Variants in ZGRF1 observed in about 807,000 individuals in gnomAD.
ZGRF1 encodes 5'-3' DNA helicase ZGRF1.
Under a neutral mutation model 203.5 loss-of-function variants are expected in ZGRF1, and 196 were observed. The ratio of observed to expected loss-of-function variants is 0.96; its 90% CI spans 0.86 to 1.08. The LOEUF (loss-of-function observed/expected upper bound fraction) is 1.08, where lower values mean the gene tolerates loss of function less well. Among genes scored for constraint, ZGRF1 ranks in the 50% least tolerant of loss-of-function variants. The pLI, the probability that ZGRF1 is intolerant of heterozygous loss-of-function variation, is 0.00. For missense variants in ZGRF1, 2,326 were observed against 2,416.3 expected (o/e 0.96, Z 0.78); for synonymous variants, 809 against 841.3 (o/e 0.96, Z 0.66).
chr4:112,548,766 T>A (rs1739331237), intron 22 of ZGRF1, among the ~76,000 whole-genome samples: 1 of 151,832 alleles, frequency 6.6e-6, no homozygotes. Flanking sequence ...ATATTAAATA[T>A]GCTAACGAAA....
chr4:112,566,686 CAG>C (rs1308082281), intron 16 of ZGRF1, among the ~76,000 whole-genome samples: 1 of 151,776 alleles, frequency 6.6e-6, no homozygotes, highest in African/African-American at 2.4e-5. Context: ...CTGTGGGGAA[CAG>C]AGAGAGAAGT....
At chr4:112,581,203 T>C (rs923139228) in intron 16 of ZGRF1, among the ~76,000 whole-genome samples, 4 of 143,638 alleles carry the variant, frequency 2.8e-5, no homozygotes, top group African/African-American at 1.0e-4. Context: ...CCGCATGTTC[T>C]CACTCATAGG....
At position 112,553,972 on chromosome 4, in the gene ZGRF1, C is replaced by T; in HGVS notation, c.5209G>A (p.Gly1737Ser). Reference protein sequence around the residue: ...KPILPYSLHAGSENESEQLKE... With the variant: ...KPILPYSLHASSENESEQLKE... ...AACTGTTCACTTTCATTTTCTGAGC[C>T]AGCATGCAAGCTAAAGAATTATATT... The change falls in exon 22 of 28, where the codon GGC becomes AGC. Residue 1737 changes from glycine (G) to serine (S), a missense_variant. By Grantham distance (56) the Gly-to-Ser change is moderately conservative (BLOSUM62 0). Transcript: ENST00000505019. 6.2e-7 allele frequency: 1 copy of T among 1,607,318 alleles called. No individual in the cohort carries two copies. Among genetic ancestry groups the T allele is most frequent in the Non-Finnish European group, 8.5e-7 (1 of 1,178,208 alleles).
rs1739215201 is a variant in ZGRF1 at position 112,548,286 on chromosome 4, A to G, written c.5441T>C (p.Ile1814Thr). 6.4e-7 allele frequency: 1 copy of G among 1,552,392 alleles called. No homozygotes were observed. Among genetic ancestry groups the G allele is most frequent in the Non-Finnish European group, 8.7e-7 (1 of 1,147,134 alleles). ...PVVVLDECSQ[I>T]TEPASLLPIA... ...GGGAAGGAGAGAGGCCGGTTCAGTTATCTGACTACACTCATCCAGCACAAC... is the reference window on the plus strand; with the variant it reads ...GGGAAGGAGAGAGGCCGGTTCAGTTGTCTGACTACACTCATCCAGCACAAC... Residue 1814 changes from isoleucine (I) to threonine (T), a missense_variant, in exon 23 of 28, where the codon ATA becomes ACA. Transcript: ENST00000505019.
Position 112,618,708 on chromosome 4 carries a change from T to C in ZGRF1, c.1334A>G (p.Asp445Gly). 1 of 1,611,354 alleles carries C rather than the reference T, an allele frequency of 6.2e-7. No homozygotes were observed. The highest frequency in any genetic ancestry group is 8.5e-7 in the Non-Finnish European group (1 of 1,179,274). The change falls in exon 6 of 28, where the codon GAC (aspartate) becomes GGC (glycine). Residue 445 changes from aspartate (D) to glycine (G), a missense_variant. By Grantham distance (94) the Asp-to-Gly change is moderately conservative (BLOSUM62 -1). Transcript: ENST00000505019. Reference sequence around the variant, plus strand: ...AACTGATCCTTTAATGCACCCCTTGTCATTTTGATTAAAAGGTATTTTATT... The same window carrying C: ...AACTGATCCTTTAATGCACCCCTTGCCATTTTGATTAAAAGGTATTTTATT... ...EDNKIPFNQN[D>G]KGCIKGSVLI...
intron 20 of ZGRF1, 79 bp downstream of exon 20, chr4:112,558,069 GAC>G (rs1159866156): frequency 1.8e-6 from 2 of 1,123,532 alleles, no homozygotes; most frequent in East Asian, 5.3e-5. Context: ...AGAGTACATG[GAC>G]ACTCAGGGCC....
rs1560794258 is a variant in ZGRF1 at position 112,578,732 on chromosome 4, A to ATC, written c.4438+2929_4438+2930dup. Among the ~76,000 whole-genome samples, 2 of 123,306 alleles carry ATC rather than the reference A, an allele frequency of 1.6e-5. 1 individual carries two copies. The highest frequency in any genetic ancestry group is 3.6e-5 in the Non-Finnish European group (2 of 55,128). The allele number at this position is 123,306 out of a possible 152,430, so 80.9% of individuals were successfully genotyped here. A position where few individuals can be genotyped will look rare whatever the true frequency, so the allele number is the denominator to read the frequency against. On this transcript the variant is annotated intron_variant, in intron 16 of 27. Coordinates refer to ENST00000505019, the MANE Select transcript of ZGRF1 (RefSeq NM_018392.5). The stretch of plus-strand genomic sequence containing the variant: ...CAAGACTAAACCAGGAAGAAGTTGA[A>ATC]TCTCTGAATAGACCAATAACAGGCT...
At chr4:112,584,365 T>C (rs993245606) in intron 14 of ZGRF1, among the ~76,000 whole-genome samples, 191 bp from the exon 15 acceptor site, 16 of 152,334 alleles carry the variant, frequency 1.1e-4, no homozygotes, top group African/African-American at 3.4e-4. Context: ...TACTTTCTCT[T>C]TATCAAAAGA....
intron 19 of ZGRF1, among the ~76,000 whole-genome samples, chr4:112,558,605 T>C (rs113686200): frequency 0.033 from 5,091 of 152,266 alleles, 282 homozygotes; most frequent in African/African-American, 0.11. Flanking sequence ...GTGATCCACC[T>C]GCCTTGGCCT....
intron 4 of ZGRF1, 29 bp downstream of exon 4, chr4:112,623,788 T>C: frequency 8.1e-7 from 1 of 1,234,280 alleles, no homozygotes; most frequent in Non-Finnish European, 1.2e-6. Context: ...AAATAATAAC[T>C]TAAAAATAAG....
chr4:112,542,773 TTTCC>T (rs779098523), intron 24 of ZGRF1, among the ~76,000 whole-genome samples: 95 of 151,884 alleles, frequency 6.3e-4, no homozygotes, highest in South Asian at 1.0e-3. Context: ...CTTTTCTTTC[TTTCC>T]TTCCTTCCTT....
At chr4:112,558,355 A>G in intron 19 of ZGRF1, 46 bp from the exon 20 acceptor site, 1 of 1,395,224 alleles carries the variant, frequency 7.2e-7, no homozygotes, top group Non-Finnish European at 9.4e-7. Context: ...TAAAATAAAT[A>G]AATTTCTTTT....
intron 10 of ZGRF1, among the ~76,000 whole-genome samples, chr4:112,594,302 T>C (rs1283939527): frequency 6.6e-6 from 1 of 152,212 alleles, no homozygotes; most frequent in African/African-American, 2.4e-5. Flanking sequence ...AAATTTTATA[T>C]TCAACAGTAA....
chr4:112,623,927 T>C, intron 3 of ZGRF1, 51 bp from the exon 4 acceptor site: 1 of 897,590 alleles, frequency 1.1e-6, no homozygotes, highest in East Asian at 2.5e-5. Flanking sequence ...ATTATGCTTT[T>C]CTTAAACTTC....
rs925850140 is a variant in ZGRF1 at position 112,636,869 on chromosome 4, T to G, written c.-85A>C. The G allele has an allele frequency of 2.0e-5, 3 of 152,130 alleles. No individual in the cohort carries two copies. Among genetic ancestry groups the G allele is most frequent in the African/African-American group, 7.2e-5 (3 of 41,396 alleles). The allele number at this position is 152,130 out of a possible 1,614,324, so 9.4% of individuals were successfully genotyped here. ...ACCTCACCTGTCAAATTGCACAAAA[T>G]CCACTTTCGAATTTCTCCCGCGAAA... On this transcript the variant is annotated 5_prime_UTR_variant, in exon 1 of 28. Coordinates refer to ENST00000505019, the MANE Select transcript of ZGRF1 (RefSeq NM_018392.5).
intron 10 of ZGRF1, among the ~76,000 whole-genome samples, chr4:112,592,193 G>A (rs1431064702): frequency 1.3e-5 from 2 of 149,110 alleles, no homozygotes; most frequent in Admixed American, 1.4e-4. Context: ...TAACTCCCAA[G>A]TACAAGCAAT....
At position 112,634,947 on chromosome 4, in the gene ZGRF1, T is replaced by C. The variant is rs367764527; in HGVS notation, c.-66-1705A>G. Reference sequence around the variant, plus strand: ...GCGCTCGAGACCAGCCTGACCAACATGGTGAAACCCCGTCTCTACTAAAAA... The same window carrying C: ...GCGCTCGAGACCAGCCTGACCAACACGGTGAAACCCCGTCTCTACTAAAAA... On this transcript the variant is annotated intron_variant, in intron 1 of 27. Transcript: ENST00000505019. Among the ~76,000 whole-genome samples the C allele has an allele frequency of 2.1e-4, 32 of 152,016 alleles. No individual in the cohort carries two copies. In the East Asian group the frequency reaches 5.4e-3, roughly 26 times the overall value.
chr4:112,606,131 T>C (rs778917393), intron 8 of ZGRF1, 40 bp from the exon 9 acceptor site: 2 of 1,223,010 alleles, frequency 1.6e-6, no homozygotes, highest in Non-Finnish European at 2.4e-6. Context: ...TTAGCTAGAA[T>C]AGTTTCACAG....
At chr4:112,625,385 A>C (rs2047202726) in intron 3 of ZGRF1, among the ~76,000 whole-genome samples, 1 of 150,424 alleles carries the variant, frequency 6.6e-6, no homozygotes, top group African/African-American at 2.5e-5. Context: ...GGAGATCGAG[A>C]CCATCCTGCT....
Sources: allele counts gnomAD v4.1 joint callset (sites outside exome capture counted in the v4.1 genomes callset), GRCh38; gene constraint gnomAD v4.1.1; transcripts MANE v1.5; gene names NCBI Gene and HGNC (gene_info 2026-07-23, HGNC 2026-07-21).